Variants in ARHGAP29 observed in about 807,000 individuals in gnomAD.
ARHGAP29 encodes the protein rho GTPase-activating protein 29.
A neutral mutation model predicts 122.6 loss-of-function variants in ARHGAP29; 43 were observed. The observed-to-expected ratio is 0.35, with a 90% CI of 0.27 to 0.45. ARHGAP29 has a LOEUF of 0.45. ARHGAP29 is among the 20% of genes least tolerant of loss of function. The probability of loss-of-function intolerance (pLI) is 1.00; values close to 1 mark genes in which losing one functional copy is unlikely to be tolerated. For synonymous variants in ARHGAP29, 506 were observed against 497.1 expected (o/e 1.02, Z -0.24); for missense variants, 1,303 against 1,477.2 (o/e 0.88, Z 1.93).
At chr1:94,259,105 C>CA (rs1162479253) in intron 1 of ARHGAP29, among the ~76,000 whole-genome samples, 8 of 152,100 alleles carry the variant, frequency 5.3e-5, no homozygotes, top group Non-Finnish European at 1.0e-4. Context: ...ATCTCTAGAA[C>CA]AAGGGTGGGT....
At chr1:94,285,693 G>T in the ARHGAP29 span, among the ~76,000 whole-genome samples, 1 of 151,902 alleles carries the variant, frequency 6.6e-6, no homozygotes, top group Non-Finnish European at 1.5e-5. Flanking sequence ...TGGCCAACAT[G>T]GTGAAACCCA....
chr1:94,176,450 G>A (rs1649098153), intron 22 of ARHGAP29, among the ~76,000 whole-genome samples: 1 of 152,146 alleles, frequency 6.6e-6, no homozygotes, highest in East Asian at 1.9e-4. Context: ...AACAACCTTT[G>A]GCATTACTTA....
At chr1:94,271,379 A>G (rs1239687106) in intron 1 of ARHGAP29, among the ~76,000 whole-genome samples, 1 of 152,250 alleles carries the variant, frequency 6.6e-6, no homozygotes, top group Non-Finnish European at 1.5e-5. Flanking sequence ...CACTAGGTCC[A>G]GTCCACACTC....
chr1:94,233,123 A>T (rs944814897), intron 1 of ARHGAP29, among the ~76,000 whole-genome samples: 10 of 149,006 alleles, frequency 6.7e-5, no homozygotes, highest in African/African-American at 2.0e-4. Flanking sequence ...TAAAAAAAAA[A>T]TTTTTTTTTT....
At chr1:94,311,690 C>G in the ARHGAP29 span, among the ~76,000 whole-genome samples, 1 of 152,210 alleles carries the variant, frequency 6.6e-6, no homozygotes, top group Non-Finnish European at 1.5e-5. Context: ...GATTATTTCA[C>G]TGATTCTTCT....
intron 2 of ARHGAP29, among the ~76,000 whole-genome samples, chr1:94,221,721 C>T (rs1171993894): frequency 6.6e-6 from 1 of 150,580 alleles, no homozygotes; most frequent in East Asian, 1.9e-4. Flanking sequence ...ATATGCATGT[C>T]TATATAAATA....
At chr1:94,285,129 G>A in the ARHGAP29 span, among the ~76,000 whole-genome samples, 1 of 152,170 alleles carries the variant, frequency 6.6e-6, no homozygotes, top group Non-Finnish European at 1.5e-5. Flanking sequence ...AAAAATGATT[G>A]TCTTCCAGCT....
At chr1:94,214,271 A>G (rs569792987) in intron 3 of ARHGAP29, among the ~76,000 whole-genome samples, 1 of 152,286 alleles carries the variant, frequency 6.6e-6, no homozygotes, top group South Asian at 2.1e-4. Flanking sequence ...CCTCTGTTCA[A>G]TATCTATCTG....
chr1:94,218,998 G>T (rs771502501), intron 3 of ARHGAP29, among the ~76,000 whole-genome samples: 1 of 152,146 alleles, frequency 6.6e-6, no homozygotes, highest in South Asian at 2.1e-4. Flanking sequence ...ATGCCTACTT[G>T]ACCTTTTCGA....
At chr1:94,277,173 T>A (rs1434308859), upstream of ARHGAP29, among the ~76,000 whole-genome samples, 1 of 152,226 alleles carries the variant, frequency 6.6e-6, no homozygotes, top group Non-Finnish European at 1.5e-5. Context: ...ATTTTTATTC[T>A]AACATTGAAT....
At chr1:94,277,816 C>G (rs1236799663), upstream of ARHGAP29, among the ~76,000 whole-genome samples, 4 of 152,158 alleles carry the variant, frequency 2.6e-5, no homozygotes, top group Non-Finnish European at 1.5e-5. Context: ...TTTTGCTTTT[C>G]CCTAAGTCTA....
chr1:94,282,628 G>T, the ARHGAP29 span, among the ~76,000 whole-genome samples: 1 of 152,108 alleles, frequency 6.6e-6, no homozygotes, highest in African/African-American at 2.4e-5. Context: ...AAATGGAAGA[G>T]AAGTAAAAAA....
intron 22 of ARHGAP29, among the ~76,000 whole-genome samples, chr1:94,175,664 T>C (rs1649049502): frequency 6.6e-6 from 1 of 152,142 alleles, no homozygotes; most frequent in Admixed American, 6.6e-5. Flanking sequence ...CTGGGACTGC[T>C]GGCCTCTCTT....
At chr1:94,211,401 G>C (rs1651607081) in intron 3 of ARHGAP29, among the ~76,000 whole-genome samples, 1 of 150,084 alleles carries the variant, frequency 6.7e-6, no homozygotes, top group Admixed American at 6.7e-5. Context: ...TAAATTCACA[G>C]TTGTAACTGG....
upstream of ARHGAP29, among the ~76,000 whole-genome samples, chr1:94,239,870 C>T (rs1653511269): frequency 6.6e-6 from 1 of 152,140 alleles, no homozygotes; most frequent in South Asian, 2.1e-4. Flanking sequence ...TTCCATTACA[C>T]CTCAAACCTA....
At chr1:94,217,337 T>G (rs941789192) in intron 3 of ARHGAP29, among the ~76,000 whole-genome samples, 3 of 151,418 alleles carry the variant, frequency 2.0e-5, no homozygotes, top group South Asian at 2.1e-4. Context: ...AGTTTGAGAC[T>G]TGTCTGGCCA....
the ARHGAP29 span, among the ~76,000 whole-genome samples, chr1:94,299,766 G>A: frequency 6.6e-6 from 1 of 152,106 alleles, no homozygotes; most frequent in Non-Finnish European, 1.5e-5. Flanking sequence ...GGAGGAAGGG[G>A]AGGGGGTAAA....
At chr1:94,186,831 A>C (rs1457881728) in intron 15 of ARHGAP29, among the ~76,000 whole-genome samples, 1 of 152,226 alleles carries the variant, frequency 6.6e-6, no homozygotes, top group Admixed American at 6.5e-5. Context: ...AGGCTCATGT[A>C]GTCCAATAAC....
chr1:94,278,180 G>A (rs1655248761), upstream of ARHGAP29, among the ~76,000 whole-genome samples: 2 of 152,076 alleles, frequency 1.3e-5, no homozygotes, highest in African/African-American at 4.8e-5. Flanking sequence ...AAAGCTAAGT[G>A]TGGTGGCACA....
Sources: allele counts gnomAD v4.1 joint callset (sites outside exome capture counted in the v4.1 genomes callset), GRCh38; gene constraint gnomAD v4.1.1; transcripts MANE v1.5; gene names NCBI Gene and HGNC (gene_info 2026-07-23, HGNC 2026-07-21).